Variants in WWC2 observed in about 807,000 individuals in gnomAD.
WWC2 encodes the protein WW and C2 domain containing 2.
A neutral mutation model predicts 138.5 loss-of-function variants in WWC2; 101 were observed. The ratio of observed to expected loss-of-function variants is 0.73; its 90% CI spans 0.62 to 0.86. WWC2 has a LOEUF of 0.86. Ranked by LOEUF, WWC2 falls within the 40% of genes least tolerant of loss-of-function variation. The pLI, the probability that WWC2 is intolerant of heterozygous loss-of-function variation, is 0.00. For missense variants in WWC2, 1,420 were observed against 1,419.4 expected (o/e 1.00, Z -0.01); for synonymous variants, 558 against 538.4 (o/e 1.04, Z -0.50).
At chr4:183,114,167 A>AC (rs1369397539) in intron 1 of WWC2, among the ~76,000 whole-genome samples, 1 of 151,758 alleles carries the variant, frequency 6.6e-6, no homozygotes, top group Non-Finnish European at 1.5e-5. Context: ...GTTTAAGTGT[A>AC]CGGCACCACC....
At chr4:183,271,478 A>T (rs1345203542) in intron 16 of WWC2, among the ~76,000 whole-genome samples, 1 of 152,200 alleles carries the variant, frequency 6.6e-6, no homozygotes. Context: ...TTCTGCTCAC[A>T]CTTCCTTGTA....
At position 183,129,400 on chromosome 4, in the gene WWC2, GTC is replaced by G. The variant is rs897975753; in HGVS notation, c.131+29780_131+29781del. ...GGGATGATGGGCGTGGACTAGGACTGTCTTAGCAAATGGAAACATGGTTACCT... is the reference window on the plus strand; with the variant it reads ...GGGATGATGGGCGTGGACTAGGACTGTTAGCAAATGGAAACATGGTTACCT... On this transcript the variant is annotated intron_variant, in intron 1 of 22. Transcript: ENST00000403733. 7.8e-4 allele frequency among the ~76,000 whole-genome samples: 119 copies of G among 152,294 alleles called. 1 individual carries two copies. Among genetic ancestry groups the G allele is most frequent in the African/African-American group, 2.7e-3 (113 of 41,564 alleles).
intron 1 of WWC2, among the ~76,000 whole-genome samples, chr4:183,148,034 G>A (rs1733513871): frequency 6.6e-6 from 1 of 152,126 alleles, no homozygotes; most frequent in African/African-American, 2.4e-5. Context: ...TGAAATTCCA[G>A]CTCTGCTGTG....
chr4:183,289,310 A>G, intron 20 of WWC2, 83 bp from the exon 21 acceptor site: 1 of 1,520,052 alleles, frequency 6.6e-7, no homozygotes, highest in Admixed American at 2.0e-5. Context: ...AGCACCATCC[A>G]TCATGCGCCA....
In WWC2 at chr4:183,296,864, G is replaced by A. The variant is rs183869160; in HGVS notation, c.3384+7229G>A. Among the ~76,000 whole-genome samples the A allele has an allele frequency of 4.0e-3, 549 of 137,022 alleles. 1 individual carries two copies. Among genetic ancestry groups the A allele is most frequent in the African/African-American group, 0.014 (531 of 36,834 alleles). The allele number at this position is 137,022 out of a possible 152,430, so 89.9% of individuals were successfully genotyped here. On this transcript the variant is annotated intron_variant, in intron 21 of 22. Coordinates refer to ENST00000403733, the MANE Select transcript of WWC2 (RefSeq NM_024949.6). ...CAGGAGAATGGCGTGAACCCCGGAG[G>A]CGGAGCTTGCAGTGAGCCGAGATCG...
At chr4:183,184,380 T>C (rs894717651) in intron 1 of WWC2, among the ~76,000 whole-genome samples, 1 of 152,216 alleles carries the variant, frequency 6.6e-6, no homozygotes, top group African/African-American at 2.4e-5. Flanking sequence ...CATTCACCTG[T>C]CTATGGGAAT....
chr4:183,180,333 T>C (rs1384376424), intron 1 of WWC2, among the ~76,000 whole-genome samples: 1 of 152,202 alleles, frequency 6.6e-6, no homozygotes, highest in Non-Finnish European at 1.5e-5. Context: ...CTTTGCCGTC[T>C]TGTCTCATGA....
chr4:183,119,174 C>T (rs1006316010), intron 1 of WWC2, among the ~76,000 whole-genome samples: 3 of 152,000 alleles, frequency 2.0e-5, no homozygotes, highest in Non-Finnish European at 4.4e-5. Flanking sequence ...CAGGTTGGCC[C>T]ATTTGAATGA....
chr4:183,250,781 C>T (rs1736955077), intron 8 of WWC2, among the ~76,000 whole-genome samples: 1 of 152,144 alleles, frequency 6.6e-6, no homozygotes, highest in South Asian at 2.1e-4. Context: ...TTGGGAGAAA[C>T]TGCATTATCG....
rs1279281192 is a variant in WWC2, at chr4:183,315,922, C to T, written c.*193C>T. The T allele has an allele frequency of 4.0e-6, 2 of 497,978 alleles. No individual in the cohort carries two copies. The highest frequency in any genetic ancestry group is 3.9e-5 in the African/African-American group (2 of 51,474). The allele number at this position is 497,978 out of a possible 1,614,324, so 30.8% of individuals were successfully genotyped here. The stretch of plus-strand genomic sequence containing the variant: ...GTACCTTGAGTGTAATTTTTATATG[C>T]TTAAAAAAGAAAAAATCATATAAGA... On this transcript the variant is annotated 3_prime_UTR_variant, in exon 23 of 23. Coordinates refer to ENST00000403733, the MANE Select transcript of WWC2 (RefSeq NM_024949.6).
chr4:183,252,131 A>G (rs776415329), intron 8 of WWC2, among the ~76,000 whole-genome samples: 39 of 152,376 alleles, frequency 2.6e-4, no homozygotes, highest in Admixed American at 4.6e-4. Context: ...ACAAAGGTAT[A>G]GATCTACTTC....
chr4:183,227,255 C>T (rs1214529394), intron 4 of WWC2, among the ~76,000 whole-genome samples: 1 of 152,066 alleles, frequency 6.6e-6, no homozygotes, highest in Non-Finnish European at 1.5e-5. Flanking sequence ...TCACATTTAC[C>T]TGGATGGTCT....
At chr4:183,243,737 C>CTGTGTGTGTG (rs56654737) in intron 5 of WWC2, among the ~76,000 whole-genome samples, 69 of 129,984 alleles carry the variant, frequency 5.3e-4, no homozygotes, top group East Asian at 2.1e-3. Context: ...ATTCTAAACA[C>CTGTGTGTGTG]TGTGTGTGTG....
At chr4:183,287,778 GGT>G (rs1388108958) in intron 20 of WWC2, among the ~76,000 whole-genome samples, 1 of 152,208 alleles carries the variant, frequency 6.6e-6, no homozygotes, top group Non-Finnish European at 1.5e-5. Context: ...GACCGGCAGA[GGT>G]GTGCTGCACC....
chr4:183,249,934 T>G lies in WWC2; in HGVS notation c.894T>G (p.Ser298Arg). 1 of 1,613,640 alleles carries G rather than the reference T, an allele frequency of 6.2e-7. No individual in the cohort carries two copies. The highest frequency in any genetic ancestry group is 8.5e-7 in the Non-Finnish European group (1 of 1,179,728). The change falls in exon 8 of 23, where the codon AGT becomes AGG. Residue 298 changes from serine (S) to arginine (R), a missense_variant. Coordinates refer to ENST00000403733, the MANE Select transcript of WWC2 (RefSeq NM_024949.6). ...TSISGDIGVR[S>R]RSNLAEKVRL... ...TTTTCCACTAGATTGGAGTAAGAAG[T>G]AGATCAAATTTAGCTGAAAAGGTCA...
In WWC2 at chr4:183,289,534, C is replaced by T; in HGVS notation, c.3283C>T (p.Gln1095Ter). ...GCTGCAGGCGCTGAGGGACTTGCGGCAGAAGCTGGAGGAACTGAAAGCTCA... is the reference window on the plus strand; with the variant it reads ...GCTGCAGGCGCTGAGGGACTTGCGGTAGAAGCTGGAGGAACTGAAAGCTCA... ...DELQALRDLR[Q>*]KLEELKAQGE... The change falls in exon 21 of 23, where the codon CAG becomes TAG. Residue 1095 changes from glutamine to a stop codon, truncating the protein, a stop_gained. Transcript: ENST00000403733. LOFTEE classifies it high-confidence loss of function. The T allele has an allele frequency of 6.2e-7, 1 of 1,613,938 alleles. No individual in the cohort carries two copies. The highest frequency in any genetic ancestry group is 8.5e-7 in the Non-Finnish European group (1 of 1,179,880).
intron 21 of WWC2, among the ~76,000 whole-genome samples, chr4:183,293,029 C>T (rs1021391886): frequency 2.0e-5 from 3 of 152,218 alleles, no homozygotes; most frequent in Non-Finnish European, 2.9e-5. Context: ...GATCTCGGCT[C>T]ACTGCAGCCT....
At chr4:183,110,833 G>A (rs184362506) in intron 1 of WWC2, among the ~76,000 whole-genome samples, 10 of 152,288 alleles carry the variant, frequency 6.6e-5, no homozygotes, top group Non-Finnish European at 1.0e-4. Flanking sequence ...TGCTGCATGT[G>A]CAGTGTTGTT....
At chr4:183,222,019 A>G (rs1370976557) in intron 4 of WWC2, among the ~76,000 whole-genome samples, 1 of 152,228 alleles carries the variant, frequency 6.6e-6, no homozygotes, top group Non-Finnish European at 1.5e-5. Context: ...CAATAGATAA[A>G]TGGATAAACA....
Sources: allele counts gnomAD v4.1 joint callset (sites outside exome capture counted in the v4.1 genomes callset), GRCh38; gene constraint gnomAD v4.1.1; transcripts MANE v1.5; gene names NCBI Gene and HGNC (gene_info 2026-07-23, HGNC 2026-07-21).